The following DCLK1 variants were observed in gnomAD, a reference collection of about 807,000 sequenced individuals.
The protein encoded by DCLK1 is serine/threonine-protein kinase DCLK1.
DCLK1 carries 16 observed loss-of-function variants against 86.2 expected under a neutral mutation model. The ratio of observed to expected loss-of-function variants is 0.19; its 90% CI spans 0.13 to 0.28. The LOEUF (loss-of-function observed/expected upper bound fraction) is 0.28. Ranked by LOEUF, DCLK1 falls within the 10% of genes least tolerant of loss-of-function variation. DCLK1 has a pLI of 1.00. For synonymous variants in DCLK1, 369 were observed against 370.5 expected (o/e 1.00, Z 0.05); for missense variants, 590 against 940.2 (o/e 0.63, Z 4.87).
chr13:35,894,022 C>T (rs1197092940), intron 4 of DCLK1, among the ~76,000 whole-genome samples: 1 of 152,154 alleles, frequency 6.6e-6, no homozygotes. Flanking sequence ...TATAAAATCA[C>T]CTTCAAGCTT....
At chr13:35,993,579 C>T (rs930354087) in intron 3 of DCLK1, among the ~76,000 whole-genome samples, 5 of 151,136 alleles carry the variant, frequency 3.3e-5, no homozygotes, top group Non-Finnish European at 7.4e-5. Flanking sequence ...ACCTCTCATC[C>T]TCAGTTTCCG....
chr13:36,097,921 G>C (rs1187316738), intron 3 of DCLK1, among the ~76,000 whole-genome samples: 1 of 151,894 alleles, frequency 6.6e-6, no homozygotes, highest in Admixed American at 6.6e-5. Context: ...TGTCAGATAT[G>C]ACACTGTGGT....
intron 4 of DCLK1, among the ~76,000 whole-genome samples, chr13:35,935,205 T>C (rs1876689963): frequency 6.6e-6 from 1 of 151,988 alleles, no homozygotes; most frequent in South Asian, 2.1e-4. Flanking sequence ...AGAGGAGGAA[T>C]AAAGGGTGAG....
chr13:35,888,838 T>C (rs1406309974), intron 4 of DCLK1, among the ~76,000 whole-genome samples: 2 of 152,216 alleles, frequency 1.3e-5, no homozygotes, highest in Non-Finnish European at 2.9e-5. Context: ...GCTAGACTTA[T>C]CATCTTCAAA....
At chr13:35,977,977 T>G (rs1288498931) in intron 3 of DCLK1, among the ~76,000 whole-genome samples, 1 of 152,102 alleles carries the variant, frequency 6.6e-6, no homozygotes, top group Non-Finnish European at 1.5e-5. Flanking sequence ...AGTATTCAAA[T>G]GTCAGCTTTC....
chr13:35,967,577 G>C (rs574812008), intron 3 of DCLK1, among the ~76,000 whole-genome samples: 1 of 152,260 alleles, frequency 6.6e-6, no homozygotes, highest in East Asian at 1.9e-4. Context: ...AGGGTTAAAT[G>C]GATTAAGGGT....
chr13:36,040,145 T>G (rs1327812786), intron 3 of DCLK1, among the ~76,000 whole-genome samples: 1 of 151,736 alleles, frequency 6.6e-6, no homozygotes, highest in Admixed American at 6.6e-5. Flanking sequence ...CCAATATTAA[T>G]GCATGGATTA....
intron 3 of DCLK1, among the ~76,000 whole-genome samples, chr13:36,060,972 G>C (rs1038713490): frequency 6.6e-6 from 1 of 152,152 alleles, no homozygotes; most frequent in Non-Finnish European, 1.5e-5. Context: ...AACAATGTGT[G>C]CAAAACTGTA....
chr13:36,118,140 A>G (rs1885858003), intron 2 of DCLK1, among the ~76,000 whole-genome samples: 1 of 152,232 alleles, frequency 6.6e-6, no homozygotes, highest in South Asian at 2.1e-4. Context: ...ATAAAACCAC[A>G]TCAGGCAACA....
intron 15 of DCLK1, among the ~76,000 whole-genome samples, chr13:35,798,420 G>A (rs2086855545): frequency 6.6e-6 from 1 of 152,172 alleles, no homozygotes; most frequent in South Asian, 2.1e-4. Flanking sequence ...GGAGAAGCAT[G>A]GCAGTCTTGA....
intron 3 of DCLK1, among the ~76,000 whole-genome samples, chr13:35,962,566 A>T (rs987253888): frequency 6.6e-6 from 1 of 152,204 alleles, no homozygotes; most frequent in African/African-American, 2.4e-5. Context: ...CACTCAGATC[A>T]TGGTTATTTA....
intron 4 of DCLK1, among the ~76,000 whole-genome samples, chr13:35,939,455 G>A (rs992558600): frequency 6.6e-6 from 1 of 152,184 alleles, no homozygotes; most frequent in African/African-American, 2.4e-5. Flanking sequence ...TTTTGCCCAG[G>A]CAGGAGTGGC....
At chr13:35,924,731 T>C (rs1277079898) in intron 4 of DCLK1, among the ~76,000 whole-genome samples, 3 of 152,162 alleles carry the variant, frequency 2.0e-5, no homozygotes, top group Non-Finnish European at 2.9e-5. Flanking sequence ...TGGAGTAGGG[T>C]CCATACCTCT....
intron 3 of DCLK1, among the ~76,000 whole-genome samples, chr13:36,086,300 C>A (rs2138124475): frequency 6.6e-6 from 1 of 152,194 alleles, no homozygotes; most frequent in Admixed American, 6.5e-5. Flanking sequence ...CTGCTCTGTA[C>A]CACCAGGGGT....
At chr13:36,109,105 C>A (rs571239973) in intron 3 of DCLK1, among the ~76,000 whole-genome samples, 1 of 152,348 alleles carries the variant, frequency 6.6e-6, no homozygotes, top group South Asian at 2.1e-4. Flanking sequence ...TTTGTTCTCA[C>A]TGGGAACCCA....
chr13:35,909,597 ATGTG>A lies in DCLK1; in HGVS notation c.823+37757_823+37760del, dbSNP rs57044533. On this transcript the variant is annotated intron_variant, in intron 4 of 16. Coordinates refer to ENST00000360631, the MANE Select transcript of DCLK1 (RefSeq NM_001330071.2). The stretch of plus-strand genomic sequence containing the variant: ...TCTGGTTATTAATTGCTGTGTGCAT[ATGTG>A]TGTGTGTGTGTGTGTGTGTGTGTGT... Among the ~76,000 whole-genome samples the A allele has an allele frequency of 8.2e-3, 1,206 of 146,210 alleles. 15 individuals carry two copies. The highest frequency in any genetic ancestry group is 0.03 in the African/African-American group (1,165 of 39,214).
chr13:35,803,940 T>C (rs1236222889), intron 15 of DCLK1, among the ~76,000 whole-genome samples: 1 of 152,154 alleles, frequency 6.6e-6, no homozygotes, highest in Non-Finnish European at 1.5e-5. Context: ...GTAGGAACTA[T>C]TAGACTTAGT....
chr13:35,935,843 A>G (rs186491888), intron 4 of DCLK1, among the ~76,000 whole-genome samples: 19 of 152,218 alleles, frequency 1.2e-4, no homozygotes, highest in Admixed American at 9.8e-4. Flanking sequence ...CCAAGCCTTA[A>G]TTTCCTTAAT....
chr13:36,030,102 GC>G (rs1397386651), intron 3 of DCLK1, among the ~76,000 whole-genome samples: 2 of 152,170 alleles, frequency 1.3e-5, no homozygotes, highest in African/African-American at 2.4e-5. Context: ...TCCAAGGGAG[GC>G]TTTACCCATT....
Sources: allele counts gnomAD v4.1 joint callset (sites outside exome capture counted in the v4.1 genomes callset), GRCh38; gene constraint gnomAD v4.1.1; transcripts MANE v1.5; gene names NCBI Gene and HGNC (gene_info 2026-07-23, HGNC 2026-07-21).